The following SSH2 variants were observed in gnomAD, a reference collection of about 807,000 sequenced individuals.
The protein encoded by SSH2 is protein phosphatase Slingshot homolog 2.
In SSH2, 37 loss-of-function variants were observed where a neutral mutation model predicts 135.2. The ratio of observed to expected loss-of-function variants is 0.27; its 90% CI spans 0.21 to 0.36. The LOEUF is 0.36. SSH2 is among the 10% of genes least tolerant of loss of function. The pLI, the probability that SSH2 is intolerant of heterozygous loss-of-function variation, is 1.00. For missense variants in SSH2, 1,408 were observed against 1,765.3 expected (o/e 0.80, Z 3.63); for synonymous variants, 628 against 646.2 (o/e 0.97, Z 0.43).
chr17:29,821,031 T>C (rs2042642113), intron 2 of SSH2, among the ~76,000 whole-genome samples: 1 of 152,146 alleles, frequency 6.6e-6, no homozygotes. Context: ...AAGTTATTCT[T>C]AGCACTGCAT....
chr17:29,658,378 A>G (rs1034478423), intron 11 of SSH2, among the ~76,000 whole-genome samples: 4 of 151,790 alleles, frequency 2.6e-5, no homozygotes, highest in African/African-American at 9.7e-5. Context: ...CACAGGTGCT[A>G]TCATTGTGCG....
At chr17:29,785,206 A>C (rs2041932674) in intron 3 of SSH2, among the ~76,000 whole-genome samples, 1 of 152,114 alleles carries the variant, frequency 6.6e-6, no homozygotes, top group South Asian at 2.1e-4. Flanking sequence ...TATTGCTGGA[A>C]TTGAGAGAAG....
intron 2 of SSH2, among the ~76,000 whole-genome samples, chr17:29,814,695 G>A (rs143983537): frequency 0.011 from 1,675 of 151,858 alleles, 15 homozygotes; most frequent in Non-Finnish European, 0.015. Context: ...AAACTGCCAC[G>A]TAATAGAACT....
At chr17:29,787,628 T>C (rs1359557490) in intron 3 of SSH2, 1 of 152,212 alleles carries the variant, frequency 6.6e-6, no homozygotes, top group Non-Finnish European at 1.5e-5. Context: ...AATTTCTCCA[T>C]ATCCTCACCA....
At chr17:29,907,646 C>T (rs1408587726) in intron 1 of SSH2, among the ~76,000 whole-genome samples, 1 of 152,208 alleles carries the variant, frequency 6.6e-6, no homozygotes, top group African/African-American at 2.4e-5. Context: ...AGCTCCTTAA[C>T]TAACTGAAAT....
chr17:29,804,734 C>T (rs1322868118), intron 2 of SSH2, among the ~76,000 whole-genome samples: 1 of 151,636 alleles, frequency 6.6e-6, no homozygotes, highest in African/African-American at 2.4e-5. Context: ...TGCAAAGGCA[C>T]GATCATAGCT....
At chr17:29,845,046 A>T (rs1402934887) in intron 2 of SSH2, among the ~76,000 whole-genome samples, 1 of 152,228 alleles carries the variant, frequency 6.6e-6, no homozygotes, top group Non-Finnish European at 1.5e-5. Flanking sequence ...GGGCCCAGTG[A>T]TTTGCACATG....
intron 1 of SSH2, among the ~76,000 whole-genome samples, chr17:29,928,088 G>A (rs1464508741): frequency 2.6e-5 from 4 of 152,126 alleles, no homozygotes; most frequent in Non-Finnish European, 5.9e-5. Context: ...TTTCAACAGT[G>A]CCCAAGGAAA....
At chr17:29,676,048 G>A (rs1398923709) in intron 8 of SSH2, 4 of 152,094 alleles carry the variant, frequency 2.6e-5, no homozygotes, top group African/African-American at 4.8e-5. Flanking sequence ...CAAGTATAAT[G>A]TTTTCTCTAG....
intron 15 of SSH2, among the ~76,000 whole-genome samples, chr17:29,635,179 G>A (rs55797987): frequency 0.38 from 57,095 of 151,908 alleles, 12,823 homozygotes; most frequent in East Asian, 0.65. Flanking sequence ...TGGGATTACA[G>A]GCGTGAGCCA....
At chr17:29,702,345 TC>T (rs1197839577) in intron 4 of SSH2, among the ~76,000 whole-genome samples, 2 of 86,334 alleles carry the variant, frequency 2.3e-5, no homozygotes, top group Non-Finnish European at 4.4e-5. Flanking sequence ...AGAGTGAGAG[TC>T]TGTCTCAAAA....
intron 1 of SSH2, among the ~76,000 whole-genome samples, chr17:29,859,280 A>G (rs953563197): frequency 6.6e-6 from 1 of 151,702 alleles, no homozygotes; most frequent in African/African-American, 2.4e-5. Flanking sequence ...GGTTCCTCTT[A>G]CACTTTTTTT....
At chr17:29,832,356 T>C (rs1235550008) in intron 2 of SSH2, among the ~76,000 whole-genome samples, 1 of 152,194 alleles carries the variant, frequency 6.6e-6, no homozygotes, top group Non-Finnish European at 1.5e-5. Context: ...GATCTTGAAG[T>C]CCTGCACCCA....
intron 14 of SSH2, among the ~76,000 whole-genome samples, chr17:29,647,151 A>G (rs2036404407): frequency 6.6e-6 from 1 of 151,494 alleles, no homozygotes; most frequent in African/African-American, 2.4e-5. Context: ...AGTCCCAGCT[A>G]CTCGGGAGGC....
intron 1 of SSH2, among the ~76,000 whole-genome samples, chr17:29,858,618 C>A (rs34187211): frequency 0.023 from 3,556 of 152,204 alleles, 76 homozygotes; most frequent in Non-Finnish European, 0.035. Context: ...GTGGCTCATG[C>A]CTATAATCCC....
chr17:29,777,813 A>AG, intron 3 of SSH2: 1 of 152,150 alleles, frequency 6.6e-6, no homozygotes, highest in African/African-American at 2.4e-5. Flanking sequence ...AAAAAAAAAA[A>AG]AACCTGATCT....
At chr17:29,825,097 T>C (rs183002359) in intron 2 of SSH2, among the ~76,000 whole-genome samples, 39 of 152,312 alleles carry the variant, frequency 2.6e-4, no homozygotes, top group Admixed American at 1.2e-3. Context: ...TCCCTTACAC[T>C]TCCCAGTTAC....
At chr17:29,737,766 T>C (rs1400812613) in intron 3 of SSH2, among the ~76,000 whole-genome samples, 1 of 152,134 alleles carries the variant, frequency 6.6e-6, no homozygotes, top group East Asian at 1.9e-4. Flanking sequence ...CTCAGAACAC[T>C]AGCAAAAATT....
At chr17:29,639,065 A>T (rs1251998760) in intron 14 of SSH2, among the ~76,000 whole-genome samples, 2 of 152,214 alleles carry the variant, frequency 1.3e-5, no homozygotes, top group African/African-American at 4.8e-5. Flanking sequence ...AAGCTTAGTA[A>T]CAGAATGAAG....
Sources: allele counts gnomAD v4.1 joint callset (sites outside exome capture counted in the v4.1 genomes callset), GRCh38; gene constraint gnomAD v4.1.1; transcripts MANE v1.5; gene names NCBI Gene and HGNC (gene_info 2026-07-23, HGNC 2026-07-21).